Variants in KIAA1328 observed in about 807,000 individuals in gnomAD.
KIAA1328 encodes KIAA1328.
In KIAA1328, 52 loss-of-function variants were observed where a neutral mutation model predicts 68.1. The observed-to-expected ratio is 0.76, with a 90% CI of 0.61 to 0.96. The LOEUF (loss-of-function observed/expected upper bound fraction) is 0.96. Among genes scored for constraint, KIAA1328 ranks in the 40% least tolerant of loss-of-function variants. The pLI is 0.00. For synonymous variants in KIAA1328, 232 were observed against 239.4 expected (o/e 0.97, Z 0.28); for missense variants, 641 against 677.6 (o/e 0.95, Z 0.60).
chr18:37,170,299 T>C (rs1288794641), intron 8 of KIAA1328, among the ~76,000 whole-genome samples: 1 of 152,200 alleles, frequency 6.6e-6, no homozygotes, highest in Non-Finnish European at 1.5e-5. Flanking sequence ...GCATTCAAAA[T>C]CCAGCTTTGC....
rs551354423 is a variant in KIAA1328 at position 36,851,602 on chromosome 18, A to G, written c.332+7300A>G. On this transcript the variant is annotated intron_variant, in intron 4 of 9. Transcript: ENST00000280020. Reference sequence around the variant, plus strand: ...CTAATTTGTTGACATACAATTGTTCATAGTATTCTCTTATAATACTTTTTA... The same window carrying G: ...CTAATTTGTTGACATACAATTGTTCGTAGTATTCTCTTATAATACTTTTTA... Among the ~76,000 whole-genome samples, 423 of 146,538 alleles carry G rather than the reference A, an allele frequency of 2.9e-3. 4 individuals are homozygous for G. Among genetic ancestry groups the G allele is most frequent in the Admixed American group, 4.9e-3 (72 of 14,610 alleles).
intron 7 of KIAA1328, among the ~76,000 whole-genome samples, chr18:37,130,669 G>A (rs953587266): frequency 6.6e-6 from 1 of 152,000 alleles, no homozygotes; most frequent in African/African-American, 2.4e-5. Flanking sequence ...TTTTTACAAG[G>A]TTTCTGAACT....
At chr18:37,062,296 C>T (rs2056178608) in intron 6 of KIAA1328, among the ~76,000 whole-genome samples, 1 of 152,192 alleles carries the variant, frequency 6.6e-6, no homozygotes, top group African/African-American at 2.4e-5. Flanking sequence ...CTCATCTACA[C>T]ACCACATACA....
At chr18:37,034,890 A>G (rs561437196) in intron 6 of KIAA1328, among the ~76,000 whole-genome samples, 1 of 152,318 alleles carries the variant, frequency 6.6e-6, no homozygotes, top group Non-Finnish European at 1.5e-5. Flanking sequence ...AGGTACATTG[A>G]AAAGTAATGG....
chr18:36,961,378 C>T (rs1026954319), intron 6 of KIAA1328, among the ~76,000 whole-genome samples: 1 of 152,116 alleles, frequency 6.6e-6, no homozygotes, highest in African/African-American at 2.4e-5. Context: ...TGGAACCAAG[C>T]TGGAAAACAC....
intron 6 of KIAA1328, among the ~76,000 whole-genome samples, chr18:36,965,748 C>A (rs2051903406): frequency 6.6e-6 from 1 of 150,696 alleles, no homozygotes; most frequent in East Asian, 2.0e-4. Flanking sequence ...TTCATATATT[C>A]TTTTGGTTAA....
intron 4 of KIAA1328, among the ~76,000 whole-genome samples, chr18:36,873,815 T>A (rs2048028272): frequency 6.6e-6 from 1 of 152,168 alleles, no homozygotes; most frequent in Non-Finnish European, 1.5e-5. Context: ...ATTAAGTATT[T>A]CTCCTTATGC....
At chr18:37,082,533 T>C (rs2056983944) in intron 7 of KIAA1328, among the ~76,000 whole-genome samples, 1 of 152,214 alleles carries the variant, frequency 6.6e-6, no homozygotes, top group South Asian at 2.1e-4. Context: ...AGCTGTTGTT[T>C]ATAGTGCTCA....
chr18:37,026,920 A>C (rs1197354517), intron 6 of KIAA1328, among the ~76,000 whole-genome samples: 2 of 152,200 alleles, frequency 1.3e-5, no homozygotes, highest in Non-Finnish European at 2.9e-5. Context: ...TTAAGAAAAA[A>C]GGCAGTCAAA....
intron 6 of KIAA1328, among the ~76,000 whole-genome samples, chr18:36,967,552 T>C (rs1057152554): frequency 6.6e-6 from 1 of 152,006 alleles, no homozygotes; most frequent in African/African-American, 2.4e-5. Context: ...TTTGGAAAAA[T>C]AGAGGAAGAA....
intron 7 of KIAA1328, chr18:37,074,921 CAGG>C (rs2056664002): frequency 6.6e-6 from 1 of 152,124 alleles, no homozygotes; most frequent in South Asian, 2.1e-4. Flanking sequence ...GGATATTATC[CAGG>C]AGAACTTCCC....
chr18:36,856,305 A>T (rs1314083325), intron 4 of KIAA1328, among the ~76,000 whole-genome samples: 1 of 151,854 alleles, frequency 6.6e-6, no homozygotes, highest in Non-Finnish European at 1.5e-5. Context: ...TGTGACTTCC[A>T]TTATATGCAT....
chr18:37,117,723 T>C (rs1350461948), intron 7 of KIAA1328, among the ~76,000 whole-genome samples: 1 of 152,086 alleles, frequency 6.6e-6, no homozygotes, highest in Non-Finnish European at 1.5e-5. Flanking sequence ...TGCTAACCCT[T>C]TCCCCAGAAA....
chr18:37,078,434 C>T (rs1458795441), intron 7 of KIAA1328, among the ~76,000 whole-genome samples: 3 of 151,926 alleles, frequency 2.0e-5, no homozygotes, highest in East Asian at 1.9e-4. Context: ...GACTTCATGT[C>T]GAAAACACCA....
chr18:37,029,191 T>C (rs2054719506), intron 6 of KIAA1328, among the ~76,000 whole-genome samples: 1 of 139,678 alleles, frequency 7.2e-6, no homozygotes, highest in Non-Finnish European at 1.5e-5. Flanking sequence ...TGATTTAATT[T>C]TGAAACTCAA....
chr18:36,981,459 A>G (rs190545720), intron 6 of KIAA1328, among the ~76,000 whole-genome samples: 20 of 152,356 alleles, frequency 1.3e-4, no homozygotes, highest in Admixed American at 2.6e-4. Flanking sequence ...ATACAGGAGA[A>G]TAATCAGTTG....
intron 7 of KIAA1328, among the ~76,000 whole-genome samples, chr18:37,114,198 G>A (rs1444602191): frequency 1.3e-5 from 2 of 152,152 alleles, no homozygotes; most frequent in Admixed American, 6.5e-5. Flanking sequence ...CAGATCAACA[G>A]ACTATACATT....
intron 6 of KIAA1328, among the ~76,000 whole-genome samples, chr18:37,058,171 A>G (rs1199339378): frequency 6.6e-6 from 1 of 152,052 alleles, no homozygotes; most frequent in Non-Finnish European, 1.5e-5. Flanking sequence ...ATGTGCAGAG[A>G]GATGTGGTTA....
intron 9 of KIAA1328, among the ~76,000 whole-genome samples, chr18:37,183,066 T>G (rs1037097293): frequency 1.3e-5 from 2 of 152,192 alleles, no homozygotes; most frequent in Non-Finnish European, 2.9e-5. Context: ...GTTGGCAAAT[T>G]TTCCAATGTT....
Sources: allele counts gnomAD v4.1 joint callset (sites outside exome capture counted in the v4.1 genomes callset), GRCh38; gene constraint gnomAD v4.1.1; transcripts MANE v1.5; gene names NCBI Gene and HGNC (gene_info 2026-07-23, HGNC 2026-07-21).